Variants in NBEA observed in about 807,000 individuals in gnomAD.
NBEA encodes lysosomal-trafficking regulator 2.
In NBEA, 44 loss-of-function variants were observed where a neutral mutation model predicts 343.4. The ratio of observed to expected loss-of-function variants is 0.13; its 90% CI spans 0.10 to 0.16. NBEA has a LOEUF of 0.16. NBEA is among the 10% of genes least tolerant of loss of function. The pLI, the probability that NBEA is intolerant of heterozygous loss-of-function variation, is 1.00. For missense variants in NBEA, 2,555 were observed against 3,631.3 expected, an observed-to-expected ratio of 0.70 and a Z score of 7.62; for synonymous variants, 1,175 against 1,238.7, an observed-to-expected ratio of 0.95 and a Z score of 1.08.
chr13:35,369,229 A>G (rs970606250), intron 38 of NBEA, among the ~76,000 whole-genome samples: 2 of 147,000 alleles, frequency 1.4e-5, no homozygotes, highest in African/African-American at 2.5e-5. Flanking sequence ...CTGTAAGTAC[A>G]TGGATTTGTT....
chr13:35,082,287 T>A (rs946352365), intron 10 of NBEA, among the ~76,000 whole-genome samples: 2 of 152,200 alleles, frequency 1.3e-5, no homozygotes, highest in African/African-American at 2.4e-5. Context: ...ATGGTGTATA[T>A]GTGCCACATT....
chr13:35,182,451 C>A lies in NBEA; in HGVS notation c.4754C>A (p.Pro1585His). The A allele has an allele frequency of 6.2e-7, 1 of 1,610,500 alleles. No individual in the cohort carries two copies. Among genetic ancestry groups the A allele is most frequent in the Non-Finnish European group, 8.5e-7 (1 of 1,177,746 alleles). Reference sequence around the variant, plus strand: ...TCCAAGTATCGTGACATATTAGAACCCCAGAGAGAGACTACAAGAACTGGA... The same window carrying A: ...TCCAAGTATCGTGACATATTAGAACACCAGAGAGAGACTACAAGAACTGGA... Reference protein sequence around the residue: ...MVSKYRDILEPQRETTRTGSQ... With the variant: ...MVSKYRDILEHQRETTRTGSQ... The change falls in exon 29 of 59, where the codon CCC becomes CAC. Residue 1585 changes from proline (P) to histidine (H), a missense_variant. This residue lies in a region of NBEA where 270 missense variants were observed against 293.3 expected (regional missense o/e 0.92). Coordinates refer to ENST00000379939, the MANE Select transcript of NBEA (RefSeq NM_001385012.1).
chr13:34,975,392 A>G (rs1277200113), intron 1 of NBEA, among the ~76,000 whole-genome samples: 1 of 152,220 alleles, frequency 6.6e-6, no homozygotes, highest in East Asian at 1.9e-4. Context: ...TGGTGCTGGG[A>G]TAATTGACAA....
chr13:35,345,818 A>G (rs1052122212), intron 36 of NBEA, among the ~76,000 whole-genome samples: 2 of 152,086 alleles, frequency 1.3e-5, no homozygotes, highest in African/African-American at 4.8e-5. Flanking sequence ...CTTAAAGCAT[A>G]AAGACTTGTG....
At chr13:35,105,134 TGG>T (rs545737745) in intron 11 of NBEA, among the ~76,000 whole-genome samples, 28 of 152,146 alleles carry the variant, frequency 1.8e-4, no homozygotes, top group Admixed American at 1.5e-3. Flanking sequence ...GGGTACCTGA[TGG>T]GAGCGTGGTC....
At chr13:35,569,274 G>A (rs185597218) in intron 45 of NBEA, among the ~76,000 whole-genome samples, 2 of 152,176 alleles carry the variant, frequency 1.3e-5, no homozygotes, top group East Asian at 3.9e-4. Context: ...ATTGATGTGA[G>A]GATGAAAACT....
intron 35 of NBEA, among the ~76,000 whole-genome samples, chr13:35,308,494 A>T (rs1158749383): frequency 8.3e-6 from 1 of 120,440 alleles, no homozygotes; most frequent in East Asian, 2.2e-4. Flanking sequence ...ATGTGTATAT[A>T]TATGTGTATA....
chr13:35,169,063 T>A, intron 25 of NBEA, 68 bp downstream of exon 25: 3 of 1,262,186 alleles, frequency 2.4e-6, no homozygotes, highest in Non-Finnish European at 3.2e-6. Context: ...ATTTATGAAA[T>A]TTTTGACTTG....
At chr13:35,254,683 A>C (rs2032384174) in intron 34 of NBEA, among the ~76,000 whole-genome samples, 1 of 151,962 alleles carries the variant, frequency 6.6e-6, no homozygotes, top group African/African-American at 2.4e-5. Flanking sequence ...TCCTATTTTA[A>C]AAATTTTTTT....
intron 34 of NBEA, among the ~76,000 whole-genome samples, chr13:35,273,087 G>A (rs939451816): frequency 6.6e-6 from 1 of 152,066 alleles, no homozygotes; most frequent in Non-Finnish European, 1.5e-5. Context: ...TTCTAAAATT[G>A]ACCACATAAT....
intron 45 of NBEA, among the ~76,000 whole-genome samples, chr13:35,580,565 G>A (rs2080976640): frequency 1.3e-5 from 2 of 152,070 alleles, no homozygotes; most frequent in Non-Finnish European, 2.9e-5. Flanking sequence ...TGATATGATA[G>A]GTATCTATTA....
intron 35 of NBEA, among the ~76,000 whole-genome samples, chr13:35,292,485 A>G (rs2035864003): frequency 6.6e-6 from 1 of 151,984 alleles, no homozygotes; most frequent in Admixed American, 6.6e-5. Flanking sequence ...CATCTCTTGT[A>G]GAATGAAGCA....
At chr13:35,475,219 A>T in intron 41 of NBEA, 1 of 1,613,976 alleles carries the variant, frequency 6.2e-7, no homozygotes, top group Non-Finnish European at 8.5e-7. Flanking sequence ...GCAGGAGATA[A>T]GTTGCAGCAA....
chr13:35,640,258 C>T (rs953424339), intron 49 of NBEA, among the ~76,000 whole-genome samples: 1 of 152,146 alleles, frequency 6.6e-6, no homozygotes, highest in African/African-American at 2.4e-5. Context: ...GGTAGAACTT[C>T]CTTGGAAGGA....
At chr13:35,294,269 G>A (rs779168547) in intron 35 of NBEA, among the ~76,000 whole-genome samples, 2 of 150,370 alleles carry the variant, frequency 1.3e-5, no homozygotes, top group Non-Finnish European at 3.0e-5. Context: ...TTAATGATTT[G>A]GCCTTTGAAC....
At chr13:35,180,410 G>T (rs1168005705) in intron 28 of NBEA, among the ~76,000 whole-genome samples, 3 of 151,518 alleles carry the variant, frequency 2.0e-5, no homozygotes, top group Non-Finnish European at 4.4e-5. Context: ...TTTTTGAATA[G>T]AGCTCTCAAG....
At chr13:35,148,988 A>G (rs2068605239) in intron 18 of NBEA, among the ~76,000 whole-genome samples, 1 of 149,780 alleles carries the variant, frequency 6.7e-6, no homozygotes, top group African/African-American at 2.5e-5. Flanking sequence ...TTTTTTCTCT[A>G]TTTTATCAGT....
At chr13:35,643,662 C>T (rs551463971) in intron 49 of NBEA, among the ~76,000 whole-genome samples, 1 of 152,228 alleles carries the variant, frequency 6.6e-6, no homozygotes, top group Admixed American at 6.5e-5. Context: ...GAAAAATGTG[C>T]TGTGAGAATA....
chr13:35,479,464 T>C (rs903646919), intron 41 of NBEA, among the ~76,000 whole-genome samples: 3 of 152,140 alleles, frequency 2.0e-5, no homozygotes, highest in African/African-American at 4.8e-5. Context: ...CGGAGAAGCG[T>C]GTTTTCCATC....
Sources: allele counts gnomAD v4.1 joint callset (sites outside exome capture counted in the v4.1 genomes callset), GRCh38; gene constraint gnomAD v4.1.1; regional missense constraint gnomAD v4.1.1; transcripts MANE v1.5; gene names NCBI Gene and HGNC (gene_info 2026-07-23, HGNC 2026-07-21).